The following XRCC4 variants were observed in gnomAD, a reference collection of about 807,000 sequenced individuals.
XRCC4 encodes the protein DNA repair protein XRCC4.
In XRCC4, 28 loss-of-function variants were observed where a neutral mutation model predicts 39.1. The observed-to-expected ratio is 0.72, with a 90% CI of 0.53 to 0.98. The LOEUF (loss-of-function observed/expected upper bound fraction) is 0.98. Among genes scored for constraint, XRCC4 ranks in the 50% least tolerant of loss-of-function variants. The pLI, the probability that XRCC4 is intolerant of heterozygous loss-of-function variation, is 0.00. For synonymous variants in XRCC4, 123 were observed against 126.4 expected (o/e 0.97, Z 0.18); for missense variants, 350 against 376.4 (o/e 0.93, Z 0.58).
At chr5:83,186,088 T>C (rs1412282802) in intron 3 of XRCC4, among the ~76,000 whole-genome samples, 1 of 152,150 alleles carries the variant, frequency 6.6e-6, no homozygotes, top group Admixed American at 6.5e-5. Flanking sequence ...CATTTACAAA[T>C]TAGATAATTT....
intron 7 of XRCC4, among the ~76,000 whole-genome samples, chr5:83,333,812 A>G (rs1580523464): frequency 6.7e-6 from 1 of 149,608 alleles, no homozygotes; most frequent in Admixed American, 6.7e-5. Context: ...CTCTGTCGCC[A>G]AGGCTGGAGT....
the XRCC4 span, among the ~76,000 whole-genome samples, chr5:83,374,447 A>G: frequency 6.6e-6 from 1 of 152,196 alleles, no homozygotes; most frequent in Non-Finnish European, 1.5e-5. Flanking sequence ...CCCTGAGTCA[A>G]TTAAACCTCT....
At chr5:83,144,593 A>G (rs185759852) in intron 3 of XRCC4, among the ~76,000 whole-genome samples, 117 of 107,950 alleles carry the variant, frequency 1.1e-3, no homozygotes, top group Middle Eastern at 0.022. Context: ...GAGCTTCTTG[A>G]ATCTATGAAT....
At chr5:83,326,095 G>T (rs990856771) in intron 7 of XRCC4, among the ~76,000 whole-genome samples, 2 of 151,954 alleles carry the variant, frequency 1.3e-5, no homozygotes, top group African/African-American at 2.4e-5. Context: ...TTTTTAATGG[G>T]CTTGTTTGTT....
intron 7 of XRCC4, among the ~76,000 whole-genome samples, chr5:83,260,337 C>G (rs753210310): frequency 6.8e-4 from 104 of 152,044 alleles, no homozygotes; most frequent in Non-Finnish European, 1.1e-3. Flanking sequence ...AATTAGTAGA[C>G]AAGTGAGTAA....
At chr5:83,210,856 C>T (rs1751617449) in intron 6 of XRCC4, among the ~76,000 whole-genome samples, 1 of 152,132 alleles carries the variant, frequency 6.6e-6, no homozygotes, top group South Asian at 2.1e-4. Flanking sequence ...ATTTATTCAC[C>T]TGAGAACTCT....
At chr5:83,260,253 A>G (rs1240867883) in intron 7 of XRCC4, among the ~76,000 whole-genome samples, 1 of 152,130 alleles carries the variant, frequency 6.6e-6, no homozygotes, top group East Asian at 1.9e-4. Context: ...AGACATTGAA[A>G]TAGCCAAACT....
intron 1 of XRCC4, among the ~76,000 whole-genome samples, chr5:83,090,355 C>T (rs1201773747): frequency 6.6e-6 from 1 of 151,424 alleles, no homozygotes; most frequent in Non-Finnish European, 1.5e-5. Context: ...GGGGGGGGCT[C>T]CCTGCACAAG....
chr5:83,191,318 G>A (rs1206162588), intron 3 of XRCC4, among the ~76,000 whole-genome samples: 2 of 152,200 alleles, frequency 1.3e-5, no homozygotes, highest in East Asian at 3.8e-4. Context: ...TGTCATGGGA[G>A]GAACCTGGTG....
the XRCC4 span, among the ~76,000 whole-genome samples, chr5:83,368,113 T>G: frequency 6.6e-6 from 1 of 151,336 alleles, no homozygotes; most frequent in Non-Finnish European, 1.5e-5. Context: ...TTGGGTAGGA[T>G]TCTGTAGTTG....
intron 7 of XRCC4, among the ~76,000 whole-genome samples, chr5:83,261,016 TAAAAC>T (rs1161853692): frequency 1.3e-5 from 2 of 151,858 alleles, no homozygotes; most frequent in Non-Finnish European, 2.9e-5. Flanking sequence ...TTTGCTCAAA[TAAAAC>T]AAAATGTTAA....
At chr5:83,351,685 C>T (rs1199717748) in intron 7 of XRCC4, among the ~76,000 whole-genome samples, 1 of 152,108 alleles carries the variant, frequency 6.6e-6, no homozygotes, top group Non-Finnish European at 1.5e-5. Flanking sequence ...ATCTTGAATG[C>T]ATTAATGCCT....
chr5:83,371,872 C>T, the XRCC4 span, among the ~76,000 whole-genome samples: 1 of 152,156 alleles, frequency 6.6e-6, no homozygotes, highest in African/African-American at 2.4e-5. Flanking sequence ...AAGGAAAACA[C>T]AATTGGGCAA....
At chr5:83,177,913 A>T (rs1750031644) in intron 3 of XRCC4, among the ~76,000 whole-genome samples, 1 of 152,198 alleles carries the variant, frequency 6.6e-6, no homozygotes, top group Non-Finnish European at 1.5e-5. Context: ...GAAAGAAACA[A>T]GTCACTAGAA....
intron 3 of XRCC4, among the ~76,000 whole-genome samples, chr5:83,164,490 C>G (rs914740019): frequency 6.6e-6 from 1 of 152,012 alleles, no homozygotes. Context: ...AGAAATAGCT[C>G]CCTTAGTTCT....
chr5:83,190,787 A>G (rs1008600095), intron 3 of XRCC4, among the ~76,000 whole-genome samples: 1 of 152,214 alleles, frequency 6.6e-6, no homozygotes, highest in African/African-American at 2.4e-5. Flanking sequence ...AACTGAGTAT[A>G]TAACTATACA....
chr5:83,330,774 T>C (rs139905772), intron 7 of XRCC4, among the ~76,000 whole-genome samples: 1 of 152,128 alleles, frequency 6.6e-6, no homozygotes, highest in African/African-American at 2.4e-5. Context: ...ATTGAAATCA[T>C]TGAGGAGCAA....
intron 1 of XRCC4, among the ~76,000 whole-genome samples, chr5:83,085,598 G>A (rs1017386750): frequency 1.2e-4 from 18 of 152,128 alleles, no homozygotes; most frequent in African/African-American, 4.3e-4. Flanking sequence ...AATTAGCTGT[G>A]CTGTGATACT....
chr5:83,295,855 T>G (rs1755077943), intron 7 of XRCC4, among the ~76,000 whole-genome samples: 1 of 152,078 alleles, frequency 6.6e-6, no homozygotes, highest in Non-Finnish European at 1.5e-5. Context: ...GGGAAGCTTT[T>G]GCAGGGTTTT....
Sources: gnomAD v4.1 joint callset for allele counts (sites outside exome capture counted in the v4.1 genomes callset) on GRCh38, gnomAD v4.1.1 for gene constraint, MANE v1.5 for transcripts, NCBI Gene and HGNC (gene_info 2026-07-23, HGNC 2026-07-21) for gene names.